The following PTPRE variants were observed in gnomAD, a reference collection of about 807,000 sequenced individuals.
The protein encoded by PTPRE is receptor-type tyrosine-protein phosphatase epsilon.
In PTPRE, 51 loss-of-function variants were observed where a neutral mutation model predicts 102.0. The observed-to-expected ratio is 0.50, with a 90% CI of 0.40 to 0.63. The LOEUF (loss-of-function observed/expected upper bound fraction) is 0.63. Ranked by LOEUF, PTPRE falls within the 30% of genes least tolerant of loss-of-function variation. The probability of loss-of-function intolerance (pLI) is 0.00; values close to 1 mark genes in which losing one functional copy is unlikely to be tolerated. For synonymous variants in PTPRE, 345 were observed against 348.2 expected (o/e 0.99, Z 0.10); for missense variants, 752 against 915.1 (o/e 0.82, Z 2.30).
rs535363678 is a variant in PTPRE, at chr10:128,019,115, G to GC, written c.-7-21755dup. On this transcript the variant is annotated intron_variant, in intron 2 of 20. Transcript: ENST00000254667. Reference sequence around the variant, plus strand: ...CATTGGGGCATCCCCTGGTCCCTGGGCCCCCTCTCCCCTCCCAGCCCCAGA... The same window carrying GC: ...CATTGGGGCATCCCCTGGTCCCTGGGCCCCCCTCTCCCCTCCCAGCCCCAGA... Among the ~76,000 whole-genome samples the GC allele has an allele frequency of 2.6e-4, 39 of 152,290 alleles. 1 individual carries two copies. In the South Asian group the frequency reaches 8.1e-3, roughly 32 times the overall value.
intron 10 of PTPRE, among the ~76,000 whole-genome samples, chr10:128,064,464 G>T (rs573686000): frequency 8.7e-4 from 132 of 152,364 alleles, no homozygotes; most frequent in Non-Finnish European, 1.6e-3. Flanking sequence ...TGCCTGCGCT[G>T]TAGCGGCCAT....
chr10:127,991,787 ATC>A (rs1324743320), intron 2 of PTPRE, among the ~76,000 whole-genome samples: 2 of 152,064 alleles, frequency 1.3e-5, no homozygotes, highest in African/African-American at 4.8e-5. Context: ...TCCAGCAGGG[ATC>A]TGGCAATCCT....
chr10:128,048,575 A>G (rs1440011222), intron 5 of PTPRE, among the ~76,000 whole-genome samples: 1 of 152,194 alleles, frequency 6.6e-6, no homozygotes, highest in Non-Finnish European at 1.5e-5. Flanking sequence ...CCCAGCTGAA[A>G]TGTAGCCTCC....
At chr10:127,930,279 C>T (rs1185323083) in intron 1 of PTPRE, among the ~76,000 whole-genome samples, 1 of 152,032 alleles carries the variant, frequency 6.6e-6, no homozygotes, top group African/African-American at 2.4e-5. Flanking sequence ...ACCTTTATGT[C>T]AGACCCTGTA....
Position 127,989,136 on chromosome 10 carries a change from A to G in PTPRE, c.-8+6840A>G, listed in dbSNP as rs191407573. ...TGCTATCAGAAATGGTGCAGATTTC[A>G]TGTTCAAGTGCTATAACATATACAT... On this transcript the variant is annotated intron_variant, in intron 2 of 20. Transcript: ENST00000254667. 1.3e-3 allele frequency among the ~76,000 whole-genome samples: 195 copies of G among 152,224 alleles called. 1 individual carries two copies. Among genetic ancestry groups the G allele is most frequent in the Non-Finnish European group, 2.3e-3 (156 of 68,012 alleles).
intron 1 of PTPRE, among the ~76,000 whole-genome samples, chr10:127,947,020 C>CAAA (rs59527787): frequency 0.02 from 1,648 of 82,480 alleles, 39 homozygotes; most frequent in African/African-American, 0.066. Context: ...GACCCTGTCT[C>CAAA]AAAAAAAAAA....
rs1241678597 is a variant in PTPRE at position 127,907,704 on chromosome 10, G to A, written c.-31+395G>A. ...GAGGGGGTGCAGGCCGCGCGTGGGG[G>A]GCTGCGCCCACTCGAGGCTGGAGGC... is the stretch of plus-strand genomic sequence containing the variant. On this transcript the variant is annotated intron_variant, in intron 1 of 20. Coordinates refer to ENST00000254667, the MANE Select transcript of PTPRE (RefSeq NM_006504.6). The surrounding 1 kb of genome is among the most constrained non-coding windows in gnomAD (Gnocchi z 4.8). 6.6e-6 allele frequency among the ~76,000 whole-genome samples: 1 copy of A among 152,166 alleles called. No individual in the cohort carries two copies. Among genetic ancestry groups the A allele is most frequent in the African/African-American group, 2.4e-5 (1 of 41,444 alleles).
At chr10:127,910,399 ATC>A (rs1455448948) in intron 1 of PTPRE, among the ~76,000 whole-genome samples, 22 of 152,190 alleles carry the variant, frequency 1.4e-4, no homozygotes. Flanking sequence ...CCTGAGAGGA[ATC>A]TCTCTTACTC....
At chr10:128,077,188 C>T (rs1194359533) in intron 18 of PTPRE, among the ~76,000 whole-genome samples, 1 of 152,182 alleles carries the variant, frequency 6.6e-6, no homozygotes, top group Non-Finnish European at 1.5e-5. Flanking sequence ...CAGTCAGTAT[C>T]ACGTAATGCA....
intron 7 of PTPRE, among the ~76,000 whole-genome samples, chr10:128,057,460 G>C (rs1351062325): frequency 6.6e-6 from 1 of 152,166 alleles, no homozygotes; most frequent in East Asian, 1.9e-4. Flanking sequence ...GTGGGCCCCG[G>C]AATGCTGCTC....
intron 3 of PTPRE, among the ~76,000 whole-genome samples, chr10:128,046,684 A>C (rs1440730474): frequency 6.6e-6 from 1 of 152,100 alleles, no homozygotes; most frequent in East Asian, 1.9e-4. Flanking sequence ...TGGGGTCCAA[A>C]GGTGGCAGCG....
Position 128,049,627 on chromosome 10 carries a change from A to T in PTPRE, c.381A>T (p.Arg127Ser), listed in dbSNP as rs1414117355. The T allele has an allele frequency of 5.6e-6, 9 of 1,613,856 alleles. No individual in the cohort carries two copies. In the African/African-American group the frequency reaches 1.2e-4, roughly 22 times the overall value. ...ACCTGGAGGAGGAGATCCGTATCAG[A>T]TCCGCCGACGACTGCAAGCAGTTTC... ...VEHLEEEIRI[R>S]SADDCKQFRE... Residue 127 changes from arginine (R) to serine (S), a missense_variant, in exon 6 of 21, where the codon AGA becomes AGT. Arg to Ser is a moderately radical substitution (Grantham distance 110). Coordinates refer to ENST00000254667, the MANE Select transcript of PTPRE (RefSeq NM_006504.6).
At chr10:127,953,057 G>T (rs1271786985) in intron 1 of PTPRE, among the ~76,000 whole-genome samples, 1 of 152,194 alleles carries the variant, frequency 6.6e-6, no homozygotes, top group East Asian at 1.9e-4. Context: ...AGTGCCTAGT[G>T]AAACTATTTG....
intron 2 of PTPRE, among the ~76,000 whole-genome samples, chr10:128,033,790 G>A (rs367768775): frequency 3.3e-5 from 5 of 152,140 alleles, no homozygotes; most frequent in East Asian, 1.9e-4. Context: ...GATTACAGGC[G>A]TGCACCACAT....
intron 3 of PTPRE, 145 bp from the exon 4 acceptor site, chr10:128,047,245 C>T (rs1451370927): frequency 2.5e-5 from 30 of 1,212,258 alleles, no homozygotes; most frequent in Non-Finnish European, 3.1e-5. Flanking sequence ...TCTGTTACCT[C>T]GTGGGGCCTT....
intron 6 of PTPRE, among the ~76,000 whole-genome samples, chr10:128,052,934 G>A (rs1024989035): frequency 4.6e-5 from 7 of 152,128 alleles, no homozygotes; most frequent in East Asian, 1.9e-4. Context: ...AGAAAGGAAC[G>A]TGGCTCATGA....
At position 127,944,324 on chromosome 10, in the gene PTPRE, G is replaced by T. The variant is rs972937535; in HGVS notation, c.-31+37015G>T. Among the ~76,000 whole-genome samples, 4 of 152,222 alleles carry T rather than the reference G, an allele frequency of 2.6e-5. No homozygotes were observed. Among genetic ancestry groups the T allele is most frequent in the African/African-American group, 9.6e-5 (4 of 41,466 alleles). Reference sequence around the variant, plus strand: ...GGGAGGTACTTGATAAATATTGATTGAATGGCTAAATGGTGGGTGGGTGGA... The same window carrying T: ...GGGAGGTACTTGATAAATATTGATTTAATGGCTAAATGGTGGGTGGGTGGA... On this transcript the variant is annotated intron_variant, in intron 1 of 20. Transcript: ENST00000254667. This position sits in a 1 kb window ranked among gnomAD's most constrained non-coding sequence, Gnocchi z 4.2.
chr10:127,921,573 G>A (rs1271877230), intron 1 of PTPRE, among the ~76,000 whole-genome samples: 6 of 152,208 alleles, frequency 3.9e-5, no homozygotes, highest in Non-Finnish European at 8.8e-5. Flanking sequence ...TGCCAGGGAT[G>A]TGGACGTCTA....
intron 2 of PTPRE, among the ~76,000 whole-genome samples, chr10:128,023,297 G>T (rs1846054572): frequency 6.6e-6 from 1 of 151,876 alleles, no homozygotes. Flanking sequence ...TATATACATA[G>T]TATGTATAGG....
Sources: gnomAD v4.1 joint callset for allele counts (sites outside exome capture counted in the v4.1 genomes callset) on GRCh38, gnomAD v4.1.1 for gene constraint, Gnocchi (gnomAD v3.1) non-coding constraint, MANE v1.5 for transcripts, NCBI Gene and HGNC (gene_info 2026-07-23, HGNC 2026-07-21) for gene names.